The following HPSE2 variants were observed in gnomAD, a reference collection of about 807,000 sequenced individuals.
HPSE2 encodes the protein inactive heparanase-2.
In HPSE2, 38 loss-of-function variants were observed where a neutral mutation model predicts 60.5. The ratio of observed to expected loss-of-function variants is 0.63; its 90% CI spans 0.48 to 0.82. HPSE2 has a LOEUF of 0.82. Ranked by LOEUF, HPSE2 falls within the 40% of genes least tolerant of loss-of-function variation. The pLI is 0.00. For synonymous variants in HPSE2, 295 were observed against 293.2 expected, an observed-to-expected ratio of 1.01 and a Z score of -0.06; for missense variants, 713 against 740.4, an observed-to-expected ratio of 0.96 and a Z score of 0.43.
intron 6 of HPSE2, among the ~76,000 whole-genome samples, chr10:98,675,081 A>C (rs1026970021): frequency 6.6e-6 from 1 of 152,222 alleles, no homozygotes; most frequent in East Asian, 1.9e-4. Flanking sequence ...TAGATGCTTT[A>C]CATGCATCAT....
At chr10:98,756,964 A>T (rs35613512) in intron 3 of HPSE2, among the ~76,000 whole-genome samples, 28,184 of 152,130 alleles carry the variant, frequency 0.19, 3,083 homozygotes, top group East Asian at 0.33. Context: ...CTGGCAGCAC[A>T]TCAAAAAGTT....
rs558296233 is a variant in HPSE2, at chr10:98,692,227, G to T, written c.1004+1673C>A. Among the ~76,000 whole-genome samples, 4 of 152,168 alleles carry T rather than the reference G, an allele frequency of 2.6e-5. No homozygotes were observed. The South Asian group carries it at 8.3e-4, about 32-fold the overall frequency. ...AGGGAGAACAGCATTTCAGGCAGAAGGACTAGCATATACAGAGATCCAGAG... is the reference window on the plus strand; with the variant it reads ...AGGGAGAACAGCATTTCAGGCAGAATGACTAGCATATACAGAGATCCAGAG... On this transcript the variant is annotated intron_variant, in intron 6 of 11. Coordinates refer to ENST00000370552, the MANE Select transcript of HPSE2 (RefSeq NM_021828.5).
chr10:99,061,057 T>G lies in HPSE2; in HGVS notation c.610+83181A>C, dbSNP rs577957884. Among the ~76,000 whole-genome samples, 9 of 151,976 alleles carry G rather than the reference T, an allele frequency of 5.9e-5. No individual in the cohort carries two copies. In the South Asian group the frequency reaches 1.9e-3, roughly 32 times the overall value. On this transcript the variant is annotated intron_variant, in intron 3 of 11. Coordinates refer to ENST00000370552, the MANE Select transcript of HPSE2 (RefSeq NM_021828.5). ...GTTTAAAATTTTACAGAAAAATGGGTGAGGGAGACAACAATAAAGAATTCA... is the reference window on the plus strand; with the variant it reads ...GTTTAAAATTTTACAGAAAAATGGGGGAGGGAGACAACAATAAAGAATTCA...
chr10:99,024,440 G>C (rs1957332236), intron 3 of HPSE2, among the ~76,000 whole-genome samples: 1 of 152,078 alleles, frequency 6.6e-6, no homozygotes, highest in South Asian at 2.1e-4. Flanking sequence ...AGCCTCAAAA[G>C]GGCAAAACTA....
At chr10:98,577,278 AAT>A (rs1359404221) in intron 9 of HPSE2, among the ~76,000 whole-genome samples, 4 of 152,192 alleles carry the variant, frequency 2.6e-5, no homozygotes. Context: ...ACAACTTGAA[AAT>A]ATGTTTATTG....
intron 3 of HPSE2, among the ~76,000 whole-genome samples, chr10:98,906,760 C>T (rs956636165): frequency 1.3e-5 from 2 of 151,952 alleles, no homozygotes; most frequent in Non-Finnish European, 2.9e-5. Flanking sequence ...AAAACTTAGC[C>T]GGGCGTGGTG....
At chr10:99,194,548 A>G (rs1848328131) in intron 2 of HPSE2, among the ~76,000 whole-genome samples, 2 of 151,854 alleles carry the variant, frequency 1.3e-5, no homozygotes, top group South Asian at 2.1e-4. Context: ...CCAAATAAAT[A>G]CAATCAGAGA....
intron 9 of HPSE2, among the ~76,000 whole-genome samples, chr10:98,547,004 A>G (rs1265747888): frequency 6.7e-6 from 1 of 149,910 alleles, no homozygotes; most frequent in Non-Finnish European, 1.5e-5. Context: ...GGATATGAAC[A>G]GACACTTCTC....
the HPSE2 span, among the ~76,000 whole-genome samples, chr10:99,243,246 G>A: frequency 4.0e-5 from 6 of 151,810 alleles, no homozygotes; most frequent in African/African-American, 1.2e-4. Flanking sequence ...CCAGCTACTC[G>A]GGAGGCTGAG....
At chr10:99,171,031 C>T (rs970699943) in intron 2 of HPSE2, among the ~76,000 whole-genome samples, 3 of 152,154 alleles carry the variant, frequency 2.0e-5, no homozygotes, top group Admixed American at 6.6e-5. Flanking sequence ...CCTTTTATAT[C>T]GGGTACTTGA....
intron 3 of HPSE2, among the ~76,000 whole-genome samples, chr10:98,770,496 T>C (rs1950216776): frequency 2.0e-5 from 3 of 152,316 alleles, no homozygotes; most frequent in Middle Eastern, 6.8e-3. Flanking sequence ...TTCTAGTCAA[T>C]GACTGAACAC....
rs72827431 is a variant in HPSE2 at position 98,575,179 on chromosome 10, C to T, written c.1320+39725G>A. 6.0e-3 allele frequency among the ~76,000 whole-genome samples: 919 copies of T among 152,214 alleles called. 6 individuals are homozygous for T. The highest frequency in any genetic ancestry group is 0.02 in the South Asian group (97 of 4,816). On this transcript the variant is annotated intron_variant, in intron 9 of 11. Coordinates refer to ENST00000370552, the MANE Select transcript of HPSE2 (RefSeq NM_021828.5). ...AATTATGGATCATGAGAAGAATTTA[C>T]CTTCATTTTCAATAGACTCTGAGAT...
intron 3 of HPSE2, chr10:99,013,943 G>C (rs1957074735): frequency 2.3e-6 from 1 of 427,912 alleles, no homozygotes; most frequent in Admixed American, 2.6e-5. Flanking sequence ...CTGGTGAAGA[G>C]AATTCCCATT....
intron 3 of HPSE2, among the ~76,000 whole-genome samples, chr10:99,142,820 T>C (rs138469453): frequency 1.2e-3 from 186 of 152,188 alleles, no homozygotes; most frequent in African/African-American, 4.4e-3. Flanking sequence ...AGGGTTAGAA[T>C]TACCCTAAGC....
chr10:98,691,713 C>T (rs1363477744), intron 6 of HPSE2, among the ~76,000 whole-genome samples: 1 of 152,174 alleles, frequency 6.6e-6, no homozygotes, highest in Non-Finnish European at 1.5e-5. Context: ...GACAATAACC[C>T]TTGGAGTGAG....
At chr10:98,980,943 A>G (rs908294070) in intron 3 of HPSE2, among the ~76,000 whole-genome samples, 9 of 152,156 alleles carry the variant, frequency 5.9e-5, no homozygotes, top group African/African-American at 2.2e-4. Flanking sequence ...GTTACTAGTC[A>G]GGAGTATGAT....
chr10:98,688,275 T>G (rs1414557985), intron 6 of HPSE2, among the ~76,000 whole-genome samples: 12 of 152,014 alleles, frequency 7.9e-5, no homozygotes, highest in Non-Finnish European at 1.8e-4. Flanking sequence ...TACATCTACA[T>G]ATGTTATCAA....
intron 4 of HPSE2, among the ~76,000 whole-genome samples, chr10:98,726,761 G>C (rs2134270247): frequency 6.6e-6 from 1 of 151,886 alleles, no homozygotes; most frequent in East Asian, 1.9e-4. Flanking sequence ...GGCTAAATAT[G>C]CTTAGGAGGG....
chr10:99,285,011 A>T, the HPSE2 span, among the ~76,000 whole-genome samples: 1 of 152,220 alleles, frequency 6.6e-6, no homozygotes, highest in Admixed American at 6.5e-5. Flanking sequence ...ACTCTGACTC[A>T]ATGACAAATA....
Sources: gnomAD v4.1 joint callset for allele counts (sites outside exome capture counted in the v4.1 genomes callset) on GRCh38, gnomAD v4.1.1 for gene constraint, MANE v1.5 for transcripts, NCBI Gene and HGNC (gene_info 2026-07-23, HGNC 2026-07-21) for gene names.